The following GPR176 variants were observed in gnomAD, a reference collection of about 807,000 sequenced individuals.
The protein encoded by GPR176 is G-protein coupled receptor 176.
GPR176 carries 26 observed loss-of-function variants against 35.4 expected under a neutral mutation model. The observed-to-expected ratio is 0.74, with a 90% CI of 0.54 to 1.02. GPR176 has a LOEUF of 1.02. Among genes scored for constraint, GPR176 ranks in the 50% least tolerant of loss-of-function variants. The probability of loss-of-function intolerance (pLI) is 0.00; values close to 1 mark genes in which losing one functional copy is unlikely to be tolerated. For missense variants in GPR176, 597 were observed against 665.3 expected (o/e 0.90, Z 1.13); for synonymous variants, 278 against 271.3 (o/e 1.02, Z -0.24).
chr15:39,863,871 C>T (rs951586271), intron 1 of GPR176, among the ~76,000 whole-genome samples: 2 of 152,124 alleles, frequency 1.3e-5, no homozygotes, highest in African/African-American at 2.4e-5. Flanking sequence ...GTGATGAAAT[C>T]GCCTAATGAC....
At chr15:39,835,406 A>G (rs1901337418) in intron 1 of GPR176, among the ~76,000 whole-genome samples, 1 of 152,182 alleles carries the variant, frequency 6.6e-6, no homozygotes, top group African/African-American at 2.4e-5. Flanking sequence ...ACAAAAAGCA[A>G]AAGATTCAAT....
At chr15:39,823,711 A>C (rs528546252) in intron 1 of GPR176, among the ~76,000 whole-genome samples, 21 of 152,278 alleles carry the variant, frequency 1.4e-4, no homozygotes, top group African/African-American at 5.1e-4. Context: ...TTGTTTGTAA[A>C]GGGAAAAACC....
chr15:39,851,398 TG>T (rs1435661215), intron 1 of GPR176, among the ~76,000 whole-genome samples: 1 of 152,178 alleles, frequency 6.6e-6, no homozygotes, highest in Admixed American at 6.5e-5. Context: ...CAGAGCAAGA[TG>T]GGGTTGCTTA....
At chr15:39,830,000 C>T (rs117586469) in intron 1 of GPR176, among the ~76,000 whole-genome samples, 3,560 of 151,558 alleles carry the variant, frequency 0.023, 52 homozygotes, top group Non-Finnish European at 0.031. Flanking sequence ...TATATATATA[C>T]ACATTCCCAA....
chr15:39,881,856 G>A (rs541580702), intron 1 of GPR176, among the ~76,000 whole-genome samples: 2 of 152,280 alleles, frequency 1.3e-5, no homozygotes, highest in South Asian at 4.1e-4. Flanking sequence ...ATATGCAACT[G>A]GGATGGTTTC....
At position 39,918,190 on chromosome 15, in the gene GPR176, G is replaced by A. The variant is rs191549497; in HGVS notation, c.172+1665C>T. On this transcript the variant is annotated intron_variant, in intron 1 of 2. Transcript: ENST00000561100. ...GTGGAGAAAAGCTGAAATAAGGACAGATTTATCTAGAAATTCCTGAATCCA... is the reference window on the plus strand; with the variant it reads ...GTGGAGAAAAGCTGAAATAAGGACAAATTTATCTAGAAATTCCTGAATCCA... Among the ~76,000 whole-genome samples, 35 of 152,266 alleles carry A rather than the reference G, an allele frequency of 2.3e-4. No individual in the cohort carries two copies. In the East Asian group the frequency reaches 6.4e-3, roughly 28 times the overall value.
intron 1 of GPR176, among the ~76,000 whole-genome samples, chr15:39,816,490 G>A (rs1345667843): frequency 6.6e-6 from 1 of 152,066 alleles, no homozygotes; most frequent in African/African-American, 2.4e-5. Context: ...TGCCTTAATA[G>A]AATGCCAATA....
chr15:39,885,588 A>G (rs1214290855), intron 1 of GPR176, among the ~76,000 whole-genome samples: 1 of 152,216 alleles, frequency 6.6e-6, no homozygotes. Context: ...TGCTTCATCT[A>G]GGTATGAAGC....
rs543147233 is a variant in GPR176, at chr15:39,872,344, T to C, written c.172+47511A>G. 2.0e-5 allele frequency among the ~76,000 whole-genome samples: 3 copies of C among 152,210 alleles called. No homozygotes were observed. The South Asian group carries it at 6.2e-4, about 32-fold the overall frequency. On this transcript the variant is annotated intron_variant, in intron 1 of 2. Transcript: ENST00000561100. Reference sequence around the variant, plus strand: ...GAGAAAGCTAAACATACACGATGTGTACAGAGAAGATGGGGAGTATGAGAA... The same window carrying C: ...GAGAAAGCTAAACATACACGATGTGCACAGAGAAGATGGGGAGTATGAGAA...
chr15:39,832,589 C>A (rs1901160396), intron 1 of GPR176, among the ~76,000 whole-genome samples: 1 of 151,030 alleles, frequency 6.6e-6, no homozygotes, highest in Non-Finnish European at 1.5e-5. Context: ...CTGGGCCAGA[C>A]TGGAAGAAAA....
At chr15:39,881,368 G>A (rs1168414168) in intron 1 of GPR176, among the ~76,000 whole-genome samples, 1 of 152,178 alleles carries the variant, frequency 6.6e-6, no homozygotes, top group Admixed American at 6.5e-5. Context: ...CCTATTAAAA[G>A]GCATGACTGT....
At chr15:39,840,677 C>T (rs540637553) in intron 1 of GPR176, among the ~76,000 whole-genome samples, 24 of 152,058 alleles carry the variant, frequency 1.6e-4, no homozygotes, top group Middle Eastern at 6.8e-3. Flanking sequence ...TTGACATTGT[C>T]AATGTAAGAA....
chr15:39,843,820 C>T (rs2030205800), intron 1 of GPR176, among the ~76,000 whole-genome samples: 2 of 152,140 alleles, frequency 1.3e-5, no homozygotes, highest in African/African-American at 4.8e-5. Flanking sequence ...ATGCAGGCAA[C>T]AAGTGCTATC....
chr15:39,820,745 A>G (rs1384815778), intron 1 of GPR176, among the ~76,000 whole-genome samples: 1 of 152,212 alleles, frequency 6.6e-6, no homozygotes, highest in African/African-American at 2.4e-5. Context: ...CACCTTTTGG[A>G]AAGCAAATCC....
At chr15:39,859,063 G>A (rs965367058) in intron 1 of GPR176, among the ~76,000 whole-genome samples, 11 of 152,048 alleles carry the variant, frequency 7.2e-5, no homozygotes, top group African/African-American at 2.7e-4. Context: ...TACAAATTTT[G>A]TGAGAAAACA....
chr15:39,820,749 C>T (rs1467126700), intron 1 of GPR176, among the ~76,000 whole-genome samples: 2 of 152,330 alleles, frequency 1.3e-5, no homozygotes, highest in East Asian at 1.9e-4. Flanking sequence ...TTTTGGAAAG[C>T]AAATCCTAAT....
rs1899234782 is a variant in GPR176 at position 39,807,000 on chromosome 15, T to C, written c.425+6A>G. On this transcript the variant is annotated splice_donor_region_variant and intron_variant, in intron 2 of 2. Coordinates refer to ENST00000561100, the MANE Select transcript of GPR176 (RefSeq NM_007223.3). Reference sequence around the variant, plus strand: ...AAAAAGTTAGCTCCTGGCTACCTGATCTTACCTGTCCAAAGCAATAGCAGG... The same window carrying C: ...AAAAAGTTAGCTCCTGGCTACCTGACCTTACCTGTCCAAAGCAATAGCAGG... 1 of 1,597,806 alleles carries C rather than the reference T, an allele frequency of 6.3e-7. No individual in the cohort carries two copies. The highest frequency in any genetic ancestry group is 2.2e-5 in the East Asian group (1 of 44,756).
intron 1 of GPR176, among the ~76,000 whole-genome samples, chr15:39,914,677 G>C (rs945665388): frequency 6.6e-6 from 1 of 152,168 alleles, no homozygotes; most frequent in Non-Finnish European, 1.5e-5. Context: ...ACTCCATGTA[G>C]AAGTAAGGCT....
intron 1 of GPR176, among the ~76,000 whole-genome samples, chr15:39,835,273 CCT>C (rs1901326409): frequency 6.6e-6 from 1 of 152,084 alleles, no homozygotes; most frequent in Admixed American, 6.5e-5. Context: ...ACCGGCTCGG[CCT>C]CCCAAGGTTC....
Sources: gnomAD v4.1 joint callset for allele counts (sites outside exome capture counted in the v4.1 genomes callset) on GRCh38, gnomAD v4.1.1 for gene constraint, MANE v1.5 for transcripts, NCBI Gene and HGNC (gene_info 2026-07-23, HGNC 2026-07-21) for gene names.